The following MYO5B variants were observed in gnomAD, a reference collection of about 807,000 sequenced individuals.
MYO5B encodes the protein unconventional myosin-Vb.
Under a neutral mutation model 229.3 loss-of-function variants are expected in MYO5B, and 143 were observed. The ratio of observed to expected loss-of-function variants is 0.62; its 90% confidence interval spans 0.54 to 0.72. MYO5B has a LOEUF of 0.72. Ranked by LOEUF, MYO5B falls within the 30% of genes least tolerant of loss-of-function variation. The probability of loss-of-function intolerance (pLI) is 0.00; values close to 1 mark genes in which losing one functional copy is unlikely to be tolerated. For synonymous variants in MYO5B, 918 were observed against 885.2 expected (o/e 1.04, Z -0.66); for missense variants, 2,321 against 2,331.0 (o/e 1.00, Z 0.09).
intron 1 of MYO5B, among the ~76,000 whole-genome samples, chr18:50,178,653 C>A (rs2033030090): frequency 6.6e-6 from 1 of 152,198 alleles, no homozygotes; most frequent in South Asian, 2.1e-4. Context: ...ATACAGGCTA[C>A]CATTCCAGGG....
intron 2 of MYO5B, among the ~76,000 whole-genome samples, chr18:50,049,875 T>C (rs1176481118): frequency 6.6e-6 from 1 of 152,188 alleles, no homozygotes; most frequent in Non-Finnish European, 1.5e-5. Context: ...GGTACTCAGC[T>C]GCAGACAGAC....
intron 1 of MYO5B, among the ~76,000 whole-genome samples, chr18:50,079,153 G>A (rs189840622): frequency 7.0e-4 from 107 of 152,282 alleles, no homozygotes; most frequent in Non-Finnish European, 1.2e-3. Flanking sequence ...TAGTTACATC[G>A]GTGGGTTCAG....
chr18:50,067,154 G>A (rs891862652), intron 1 of MYO5B, among the ~76,000 whole-genome samples: 1 of 152,166 alleles, frequency 6.6e-6, no homozygotes, highest in African/African-American at 2.4e-5. Context: ...AAGATGGAAG[G>A]GGGAATTCAT....
In MYO5B at chr18:49,937,257, G is replaced by A. The variant is rs766628314; in HGVS notation, c.1893C>T (p.Thr631=). ...MKVSNKEHKK[T]VGHQFRTSLH... is the part of the protein sequence containing the mutation. ...GTCCGGGGCTGACCTGGTGGCCAAC[G>A]GTTTTCTTGTGCTCCTTGTTGGAGA... The change falls in exon 15 of 40, where the codon ACC becomes ACT. Residue 631 remains threonine, a synonymous_variant. Transcript: ENST00000285039. The A allele has an allele frequency of 9.9e-6, 16 of 1,614,066 alleles. No homozygotes were observed. Among genetic ancestry groups the A allele is most frequent in the South Asian group, 3.3e-5 (3 of 91,074 alleles).
chr18:50,136,155 G>A (rs1471654567), intron 1 of MYO5B, among the ~76,000 whole-genome samples: 1 of 152,170 alleles, frequency 6.6e-6, no homozygotes, highest in Non-Finnish European at 1.5e-5. Context: ...GAGCTTCACA[G>A]GAGGATGAAA....
intron 17 of MYO5B, among the ~76,000 whole-genome samples, chr18:49,913,317 G>T (rs925630133): frequency 2.4e-4 from 37 of 152,258 alleles, no homozygotes; most frequent in African/African-American, 8.9e-4. Context: ...CATTAAGGTG[G>T]TCTCGATTCA....
At chr18:50,188,795 A>AC (rs2144360366) in intron 1 of MYO5B, among the ~76,000 whole-genome samples, 1 of 116,990 alleles carries the variant, frequency 8.5e-6, no homozygotes, top group African/African-American at 3.3e-5. Context: ...TAAAAAAAAA[A>AC]AAAAAAAAAA....
intron 38 of MYO5B, 77 bp downstream of exon 38, chr18:49,836,634 A>C: frequency 6.5e-7 from 1 of 1,545,582 alleles, no homozygotes; most frequent in Non-Finnish European, 8.9e-7. Flanking sequence ...ACAAATAACC[A>C]CCAACGAGAA....
At position 49,980,562 on chromosome 18, in the gene MYO5B, G is replaced by A; in HGVS notation, c.947-9C>T. On this transcript the variant is annotated splice_polypyrimidine_tract_variant and intron_variant, in intron 8 of 39. Coordinates refer to ENST00000285039, the MANE Select transcript of MYO5B (RefSeq NM_001080467.3). ...ATGGGACTCTTTCACTCCTGGAAAAGAAAAATGAATGGATGACACTCAGTA... is the reference window on the plus strand; with the variant it reads ...ATGGGACTCTTTCACTCCTGGAAAAAAAAAATGAATGGATGACACTCAGTA... The A allele has an allele frequency of 6.4e-7, 1 of 1,571,700 alleles. No individual in the cohort carries two copies. Among genetic ancestry groups the A allele is most frequent in the Non-Finnish European group, 8.8e-7 (1 of 1,141,538 alleles).
chr18:50,044,418 C>T (rs2030162716), intron 2 of MYO5B, among the ~76,000 whole-genome samples: 1 of 152,146 alleles, frequency 6.6e-6, no homozygotes, highest in Non-Finnish European at 1.5e-5. Flanking sequence ...TCCATAATAA[C>T]TGGGCCTTTA....
chr18:49,840,346 C>T (rs560422895), intron 35 of MYO5B: 1 of 152,350 alleles, frequency 6.6e-6, no homozygotes, highest in East Asian at 1.9e-4. Context: ...TTTGGCCCAT[C>T]TCTTTTATAA....
intron 27 of MYO5B, chr18:49,871,770 C>T (rs925709015): frequency 3.3e-6 from 1 of 304,370 alleles, no homozygotes; most frequent in Non-Finnish European, 6.4e-6. Flanking sequence ...TCGGAAGCCC[C>T]TTTTCTGTGC....
intron 9 of MYO5B, 24 bp from the exon 10 acceptor site, chr18:49,974,639 T>G: frequency 6.2e-7 from 1 of 1,609,240 alleles, no homozygotes; most frequent in Non-Finnish European, 8.5e-7. Flanking sequence ...GGGAGATAGG[T>G]TCAGGAGGAG....
At chr18:49,874,361 T>A (rs561537037) in intron 26 of MYO5B, among the ~76,000 whole-genome samples, 1 of 152,380 alleles carries the variant, frequency 6.6e-6, no homozygotes, top group Admixed American at 6.5e-5. Flanking sequence ...CAAGAACTTG[T>A]ACATCAGGCA....
chr18:49,839,476 A>C (rs2024030923), intron 35 of MYO5B, 182 bp from the exon 36 acceptor site: 2 of 671,370 alleles, frequency 3.0e-6, no homozygotes, highest in South Asian at 3.3e-5. Context: ...TGACCCTTGA[A>C]CTTGAAGGAT....
At chr18:49,965,374 C>T (rs954206458) in intron 10 of MYO5B, among the ~76,000 whole-genome samples, 1 of 152,016 alleles carries the variant, frequency 6.6e-6, no homozygotes, top group Admixed American at 6.6e-5. Flanking sequence ...GTGAGAAGGG[C>T]AGAAGCCTAT....
intron 7 of MYO5B, among the ~76,000 whole-genome samples, chr18:49,988,806 C>A (rs1284686724): frequency 2.6e-5 from 4 of 152,178 alleles, no homozygotes; most frequent in African/African-American, 9.6e-5. Context: ...CAGGCTCCAG[C>A]TCAGGACAGT....
At chr18:49,966,711 A>C (rs987921616) in intron 10 of MYO5B, among the ~76,000 whole-genome samples, 1 of 152,214 alleles carries the variant, frequency 6.6e-6, no homozygotes, top group Admixed American at 6.5e-5. Flanking sequence ...TCCACAAAGA[A>C]CATTCTCATT....
At chr18:50,034,103 T>TTAGTTTC (rs2026421562) in intron 4 of MYO5B, among the ~76,000 whole-genome samples, 1 of 152,234 alleles carries the variant, frequency 6.6e-6, no homozygotes, top group African/African-American at 2.4e-5. Context: ...GACTGAAAAC[T>TTAGTTTC]ATTAATGTTA....
Sources: allele counts gnomAD v4.1 joint callset (sites outside exome capture counted in the v4.1 genomes callset), GRCh38; gene constraint gnomAD v4.1.1; transcripts MANE v1.5; gene names NCBI Gene and HGNC (gene_info 2026-07-23, HGNC 2026-07-21).